Variants in CCDC34 observed in about 807,000 individuals in gnomAD.
CCDC34 encodes the protein coiled-coil domain containing 34, also known as coiled-coil domain-containing protein 34.
A neutral mutation model predicts 44.1 loss-of-function variants in CCDC34; 40 were observed. The ratio of observed to expected loss-of-function variants is 0.91; its 90% CI spans 0.70 to 1.18. CCDC34 has a LOEUF of 1.18. Among genes scored for constraint, CCDC34 ranks in the 50% most tolerant of loss-of-function variants. The probability of loss-of-function intolerance (pLI) is 0.00; values close to 1 mark genes in which losing one functional copy is unlikely to be tolerated. For missense variants in CCDC34, 466 were observed against 452.3 expected, an observed-to-expected ratio of 1.03 and a Z score of -0.28; for synonymous variants, 159 against 158.2, an observed-to-expected ratio of 1.01 and a Z score of -0.04.
chr11:27,340,869 G>T, intron 4 of CCDC34, 32 bp from the exon 5 acceptor site: 1 of 1,600,162 alleles, frequency 6.2e-7, no homozygotes, highest in Non-Finnish European at 8.5e-7. Context: ...TATTTCCAGG[G>T]ATATTCTGTA....
At position 27,363,010 on chromosome 11, in the gene CCDC34, G is replaced by A. The variant is rs757488877; in HGVS notation, c.185C>T (p.Ser62Phe). Residue 62 changes from serine to phenylalanine, a missense_variant, in exon 1 of 6, where the codon TCC becomes TTC. Transcript: ENST00000328697. Reference protein sequence around the residue: ...SPPLPLSCSNSTRSLLSPLGH... With the variant: ...SPPLPLSCSNFTRSLLSPLGH... ...AAGGGGAGACAACAGCGACCTGGTG[G>A]AATTGCTGCAGCTCAGCGGCAGCGG... The A allele has an allele frequency of 4.3e-6, 7 of 1,614,220 alleles. No individual in the cohort carries two copies. In the South Asian group the frequency reaches 7.7e-5, roughly 18 times the overall value.
At chr11:27,357,121 T>C (rs1052944215) in intron 2 of CCDC34, among the ~76,000 whole-genome samples, 12 of 152,216 alleles carry the variant, frequency 7.9e-5, no homozygotes, top group Non-Finnish European at 1.8e-4. Flanking sequence ...TAGAAGAAAA[T>C]CTGGAAAGCT....
intron 3 of CCDC34, among the ~76,000 whole-genome samples, chr11:27,346,934 A>G (rs993515919): frequency 7.2e-5 from 11 of 152,212 alleles, no homozygotes; most frequent in African/African-American, 2.4e-4. Flanking sequence ...CTGTGGGGAC[A>G]TAAAAAGACA....
At chr11:27,357,255 CTTATTAG>C in intron 2 of CCDC34, 141 bp downstream of exon 2, 1 of 638,474 alleles carries the variant, frequency 1.6e-6, no homozygotes, top group Admixed American at 3.2e-5. Flanking sequence ...ATTATTATAA[CTTATTAG>C]TTATTAAATT....
At chr11:27,355,011 C>A (rs917424804) in intron 2 of CCDC34, among the ~76,000 whole-genome samples, 1 of 152,106 alleles carries the variant, frequency 6.6e-6, no homozygotes, top group Admixed American at 6.5e-5. Flanking sequence ...AAAATTTCAG[C>A]CTTGTTCTGT....
intron 2 of CCDC34, among the ~76,000 whole-genome samples, chr11:27,351,073 G>A (rs1862498732): frequency 6.6e-6 from 1 of 152,116 alleles, no homozygotes; most frequent in Non-Finnish European, 1.5e-5. Context: ...GAAAGGTATG[G>A]CCAAATAAAA....
At chr11:27,353,491 A>C (rs1862532332) in intron 2 of CCDC34, among the ~76,000 whole-genome samples, 1 of 152,096 alleles carries the variant, frequency 6.6e-6, no homozygotes, top group Non-Finnish European at 1.5e-5. Flanking sequence ...GTAAATAAAA[A>C]TTAAATGACC....
At position 27,350,365 on chromosome 11, in the gene CCDC34, C is replaced by CT; in HGVS notation, c.572dup (p.His192AlafsTer10). On this transcript the variant is annotated frameshift_variant, in exon 3 of 6. Coordinates refer to ENST00000328697, the MANE Select transcript of CCDC34 (RefSeq NM_030771.2). LOFTEE classifies it high-confidence loss of function. The stretch of plus-strand genomic sequence containing the variant: ...TCTTTTTCTGAACCCATTCCTTGTG[C>CT]TTTTCTTCAGCAATTATCTTTCTTT... 6.2e-7 allele frequency: 1 copy of CT among 1,613,822 alleles called. No homozygotes were observed.
chr11:27,344,313 G>GA (rs35356586), intron 3 of CCDC34, among the ~76,000 whole-genome samples: 7 of 151,760 alleles, frequency 4.6e-5, no homozygotes, highest in African/African-American at 1.7e-4. Flanking sequence ...GTGTGGCTGG[G>GA]AAAAAAACAT....
chr11:27,347,628 T>C (rs1017890851), intron 3 of CCDC34, among the ~76,000 whole-genome samples: 1 of 152,008 alleles, frequency 6.6e-6, no homozygotes, highest in African/African-American at 2.4e-5. Flanking sequence ...CACAAAAGAC[T>C]ATATATTCTA....
chr11:27,355,993 G>A (rs2133348291), intron 2 of CCDC34, among the ~76,000 whole-genome samples: 1 of 134,422 alleles, frequency 7.4e-6, no homozygotes, highest in Admixed American at 8.0e-5. Flanking sequence ...AGATCATGAA[G>A]CTTTTGTTCC....
intron 1 of CCDC34, among the ~76,000 whole-genome samples, chr11:27,358,144 G>C (rs1195160786): frequency 1.3e-5 from 2 of 152,060 alleles, no homozygotes; most frequent in East Asian, 3.9e-4. Flanking sequence ...CTTAGACAGG[G>C]TGTGTATGAC....
chr11:27,359,178 A>G (rs1862623382), intron 1 of CCDC34, among the ~76,000 whole-genome samples: 1 of 152,024 alleles, frequency 6.6e-6, no homozygotes, highest in South Asian at 2.1e-4. Context: ...CTCATCTTAA[A>G]GTTCTTCAAT....
At chr11:27,349,325 G>GT in intron 3 of CCDC34, 3 of 901,126 alleles carry the variant, frequency 3.3e-6, no homozygotes, top group Non-Finnish European at 4.0e-6. Context: ...AAAAAACAAA[G>GT]TAATTGACTT....
chr11:27,358,958 A>ACCCCCCCCCC (rs71050907), intron 1 of CCDC34, among the ~76,000 whole-genome samples: 42 of 88,144 alleles, frequency 4.8e-4, no homozygotes, highest in Admixed American at 9.5e-4. Flanking sequence ...CAACATGTGG[A>ACCCCCCCCCC]CCCCCCCCCC....
intron 2 of CCDC34, among the ~76,000 whole-genome samples, chr11:27,356,008 ATTTTTTTTTTTTT>A (rs34146389): frequency 7.2e-5 from 5 of 69,482 alleles, no homozygotes; most frequent in East Asian, 1.1e-3. Context: ...TGTTCCCAGG[ATTTTTTTTTTTTT>A]TTTTTTTTTT....
rs75807690 is a variant in CCDC34 at position 27,361,926 on chromosome 11, A to G, written c.359+910T>C. Among the ~76,000 whole-genome samples, 201 of 152,326 alleles carry G rather than the reference A, an allele frequency of 1.3e-3. 2 individuals carry two copies. The East Asian group carries it at 0.038, about 29-fold the overall frequency. On this transcript the variant is annotated intron_variant, in intron 1 of 5. Transcript: ENST00000328697. ...AGACCTGCATTACTGGGCCTGTCTC[A>G]GAAATATTCCTTCAGGGATTGGCCC...
At chr11:27,341,207 A>C (rs991400557) in intron 4 of CCDC34, among the ~76,000 whole-genome samples, 185 bp downstream of exon 4, 7 of 152,226 alleles carry the variant, frequency 4.6e-5, no homozygotes, top group African/African-American at 7.2e-5. Context: ...ACTATTTCTC[A>C]ACTTAAGAAA....
Position 27,341,398 on chromosome 11 carries a change from TTTC to T in CCDC34, c.756_758del (p.Lys253del). ...GTCACTTTAATAAAAATACCTTTTC[TTTC>T]TTCTTCCTCTCACATTCTTCAGCAT... On this transcript the variant is annotated inframe_deletion, in exon 4 of 6. Coordinates refer to ENST00000328697, the MANE Select transcript of CCDC34 (RefSeq NM_030771.2). 8.2e-6 allele frequency: 12 copies of T among 1,463,820 alleles called. No individual in the cohort carries two copies. Among genetic ancestry groups the T allele is most frequent in the Non-Finnish European group, 1.1e-5 (12 of 1,083,890 alleles). The allele number at this position is 1,463,820 out of a possible 1,614,324, so 90.7% of individuals were successfully genotyped here.
Sources: allele counts gnomAD v4.1 joint callset (sites outside exome capture counted in the v4.1 genomes callset), GRCh38; gene constraint gnomAD v4.1.1; transcripts MANE v1.5; gene names NCBI Gene and HGNC (gene_info 2026-07-23, HGNC 2026-07-21).